Variants in PTPRO observed in about 807,000 individuals in gnomAD.
The protein encoded by PTPRO is receptor-type tyrosine-protein phosphatase O.
Under a neutral mutation model 145.2 loss-of-function variants are expected in PTPRO, and 62 were observed. The observed-to-expected ratio is 0.43, with a 90% CI of 0.35 to 0.53. PTPRO has a LOEUF of 0.53. Among genes scored for constraint, PTPRO ranks in the 20% least tolerant of loss-of-function variants. The pLI is 0.01. For missense variants in PTPRO, 1,345 were observed against 1,482.7 expected, an observed-to-expected ratio of 0.91 and a Z score of 1.53; for synonymous variants, 565 against 514.7, an observed-to-expected ratio of 1.10 and a Z score of -1.32.
intron 25 of PTPRO, among the ~76,000 whole-genome samples, chr12:15,592,169 G>C (rs1013919436): frequency 6.6e-6 from 1 of 151,450 alleles, no homozygotes; most frequent in African/African-American, 2.4e-5. Flanking sequence ...GGTTCATCCC[G>C]TATTTTGAAT....
intron 1 of PTPRO, among the ~76,000 whole-genome samples, chr12:15,372,237 C>T (rs1266098477): frequency 6.6e-6 from 1 of 152,112 alleles, no homozygotes; most frequent in Non-Finnish European, 1.5e-5. Context: ...GCCCTCTTAG[C>T]ATGTAGGGGT....
At chr12:15,444,716 A>T (rs1940858373) in intron 1 of PTPRO, among the ~76,000 whole-genome samples, 1 of 151,990 alleles carries the variant, frequency 6.6e-6, no homozygotes, top group Non-Finnish European at 1.5e-5. Flanking sequence ...ATGTGATGAC[A>T]CAGCAAAATG....
intron 12 of PTPRO, among the ~76,000 whole-genome samples, chr12:15,540,735 T>C (rs772814473): frequency 2.0e-5 from 3 of 152,198 alleles, no homozygotes; most frequent in Non-Finnish European, 4.4e-5. Context: ...AATCAGACAC[T>C]AGCTCACACT....
chr12:15,473,143 A>G (rs971769917), intron 1 of PTPRO, among the ~76,000 whole-genome samples: 2 of 152,222 alleles, frequency 1.3e-5, no homozygotes, highest in African/African-American at 4.8e-5. Context: ...GTGCAAGCTC[A>G]GATAGAATTT....
At chr12:15,432,431 C>T (rs1020292394) in intron 1 of PTPRO, among the ~76,000 whole-genome samples, 1 of 152,142 alleles carries the variant, frequency 6.6e-6, no homozygotes, top group Non-Finnish European at 1.5e-5. Context: ...GATTGTATGT[C>T]TTTGCTACTG....
intron 13 of PTPRO, among the ~76,000 whole-genome samples, chr12:15,547,149 T>C (rs549882668): frequency 1.3e-5 from 2 of 152,246 alleles, no homozygotes; most frequent in South Asian, 2.1e-4. Context: ...AAGTAAAATA[T>C]AAGTACCACA....
chr12:15,572,599 G>A (rs148779388), intron 19 of PTPRO, among the ~76,000 whole-genome samples: 728 of 152,116 alleles, frequency 4.8e-3, no homozygotes, highest in Non-Finnish European at 7.0e-3. Context: ...GATTAAAGAG[G>A]TTAACATTTT....
chr12:15,496,288 G>A lies in PTPRO; in HGVS notation c.350-957G>A, dbSNP rs11056524. ...CTCCCCAGCAGCTGGGATTACAGGC[G>A]TGTGTCACCACACCTGGCTAATTTT... On this transcript the variant is annotated intron_variant, in intron 2 of 26. Coordinates refer to ENST00000281171, the MANE Select transcript of PTPRO (RefSeq NM_030667.3). Among the ~76,000 whole-genome samples the A allele has an allele frequency of 6.3e-3, 959 of 151,466 alleles. 65 individuals carry two copies. In the East Asian group the frequency reaches 0.15, roughly 24 times the overall value.
At chr12:15,469,161 G>T (rs1387524475) in intron 1 of PTPRO, among the ~76,000 whole-genome samples, 1 of 152,156 alleles carries the variant, frequency 6.6e-6, no homozygotes, top group African/African-American at 2.4e-5. Flanking sequence ...CGAAATAAAT[G>T]ATTAGCACCA....
intron 1 of PTPRO, among the ~76,000 whole-genome samples, chr12:15,361,568 G>T (rs1489653770): frequency 1.3e-5 from 2 of 151,868 alleles, no homozygotes; most frequent in Admixed American, 1.3e-4. Context: ...TTCTGTTAAT[G>T]AACCTTGAAT....
At chr12:15,533,333 T>G (rs1054477165) in intron 12 of PTPRO, among the ~76,000 whole-genome samples, 2 of 152,230 alleles carry the variant, frequency 1.3e-5, no homozygotes, top group African/African-American at 4.8e-5. Flanking sequence ...TTCTATCTTA[T>G]TCCTCTCTGT....
intron 25 of PTPRO, among the ~76,000 whole-genome samples, chr12:15,591,558 G>A (rs927055116): frequency 6.6e-6 from 1 of 152,038 alleles, no homozygotes. Flanking sequence ...AAAACGTTTT[G>A]TTTTCTCCCT....
rs762901864 is a variant in PTPRO, at chr12:15,497,261, C to G, written c.366C>G (p.Thr122=). Residue 122 remains threonine (T), a synonymous_variant, in exon 3 of 27, where the codon ACC becomes ACG. Coordinates refer to ENST00000281171, the MANE Select transcript of PTPRO (RefSeq NM_030667.3). The part of the protein sequence containing the change: ...ITVLTKPLPV[T]SVSIYDYKPS... ...CTTCTGTAGAACCTCTACCTGTAAC[C>G]AGTGTTTCCATATATGACTATAAAC... The G allele has an allele frequency of 1.3e-6, 2 of 1,574,338 alleles. No individual in the cohort carries two copies. Among genetic ancestry groups the G allele is most frequent in the Non-Finnish European group, 1.7e-6 (2 of 1,144,500 alleles).
chr12:15,449,485 T>A (rs2136375732), intron 1 of PTPRO, among the ~76,000 whole-genome samples: 1 of 152,262 alleles, frequency 6.6e-6, no homozygotes, highest in Non-Finnish European at 1.5e-5. Flanking sequence ...GGAGCAAACT[T>A]GTGGTTATAT....
intron 1 of PTPRO, among the ~76,000 whole-genome samples, chr12:15,341,242 T>C (rs1382816043): frequency 3.3e-5 from 5 of 152,232 alleles, no homozygotes; most frequent in African/African-American, 1.2e-4. Flanking sequence ...TTTTTCCTTT[T>C]TTATTTTTTA....
At chr12:15,537,227 T>C (rs893294500) in intron 12 of PTPRO, among the ~76,000 whole-genome samples, 1 of 152,192 alleles carries the variant, frequency 6.6e-6, no homozygotes, top group Non-Finnish European at 1.5e-5. Context: ...TTGGATTCAG[T>C]GAAGACTTCA....
chr12:15,544,197 T>G (rs1198926815), intron 12 of PTPRO, among the ~76,000 whole-genome samples: 1 of 151,900 alleles, frequency 6.6e-6, no homozygotes, highest in Non-Finnish European at 1.5e-5. Context: ...GCAATATAAT[T>G]TAAAAATAGA....
intron 1 of PTPRO, among the ~76,000 whole-genome samples, chr12:15,359,596 T>G (rs1042741612): frequency 6.6e-6 from 1 of 151,456 alleles, no homozygotes; most frequent in African/African-American, 2.4e-5. Flanking sequence ...ATTTAGTATT[T>G]TTAGTAGAGA....
chr12:15,438,441 T>C (rs1940662262), intron 1 of PTPRO, among the ~76,000 whole-genome samples: 1 of 151,938 alleles, frequency 6.6e-6, no homozygotes. Flanking sequence ...AAGACAAGGT[T>C]GAAAATCAAC....
Sources: gnomAD v4.1 joint callset for allele counts (sites outside exome capture counted in the v4.1 genomes callset) on GRCh38, gnomAD v4.1.1 for gene constraint, MANE v1.5 for transcripts, NCBI Gene and HGNC (gene_info 2026-07-23, HGNC 2026-07-21) for gene names.